The following SMG1 variants were observed in gnomAD, a reference collection of about 807,000 sequenced individuals.
SMG1 encodes the protein SMG1 nonsense mediated mRNA decay associated PI3K related kinase.
A neutral mutation model predicts 419.9 loss-of-function variants in SMG1; 22 were observed. The ratio of observed to expected loss-of-function variants is 0.05; its 90% CI spans 0.04 to 0.07. SMG1 has a LOEUF of 0.07. SMG1 is among the 10% of genes least tolerant of loss of function. SMG1 has a pLI of 1.00. For missense variants in SMG1, 3,185 were observed against 4,342.0 expected (o/e 0.73, Z 7.49); for synonymous variants, 1,538 against 1,553.5 (o/e 0.99, Z 0.23).
intron 1 of SMG1, among the ~76,000 whole-genome samples, chr16:18,923,610 G>C (rs1369330719): frequency 6.6e-6 from 1 of 151,728 alleles, no homozygotes; most frequent in African/African-American, 2.4e-5. Flanking sequence ...ACTCCAGCCT[G>C]GGAGACAGAG....
intron 23 of SMG1, chr16:18,866,031 C>G (rs1169629993): frequency 6.5e-6 from 1 of 154,436 alleles, no homozygotes; most frequent in African/African-American, 2.4e-5. Context: ...CCTATGTACG[C>G]TGCTGTTTTG....
Position 18,837,959 on chromosome 16 carries a change from T to C in SMG1, c.7413+55A>G, listed in dbSNP as rs2033683770. On this transcript the variant is annotated intron_variant, in intron 45 of 62. Coordinates refer to ENST00000446231, the MANE Select transcript of SMG1 (RefSeq NM_015092.5). Reference sequence around the variant, plus strand: ...ATTTGCCTCAACATTTTGATGAGCATGTTTACTCTATTAATAAAAAGAAGA... The same window carrying C: ...ATTTGCCTCAACATTTTGATGAGCACGTTTACTCTATTAATAAAAAGAAGA... 2.6e-6 allele frequency: 4 copies of C among 1,557,778 alleles called. No individual in the cohort carries two copies. In the African/African-American group the frequency reaches 4.1e-5, roughly 16 times the overall value.
chr16:18,868,982 G>T, intron 20 of SMG1, 122 bp downstream of exon 20: 1 of 863,682 alleles, frequency 1.2e-6, no homozygotes, highest in Non-Finnish European at 1.8e-6. Flanking sequence ...AAACATACCT[G>T]AAAATTATTG....
rs752449394 is a variant in SMG1 at position 18,817,481 on chromosome 16, A to G, written c.9895-11T>C. 2.6e-6 allele frequency: 4 copies of G among 1,557,204 alleles called. No individual in the cohort carries two copies. In the South Asian group the frequency reaches 4.7e-5, roughly 18 times the overall value. On this transcript the variant is annotated splice_polypyrimidine_tract_variant and intron_variant, in intron 56 of 62. Transcript: ENST00000446231. ...GCAGAGAAATGTGACCTGTAAAGAC[A>G]GAAATGGAACCACAAGAGGAGATGG...
intron 1 of SMG1, among the ~76,000 whole-genome samples, chr16:18,920,218 C>T (rs1440756615): frequency 3.3e-5 from 5 of 151,872 alleles, no homozygotes; most frequent in Non-Finnish European, 5.9e-5. Context: ...CCCGTCTCTA[C>T]TAAATATAAA....
At chr16:18,831,136 C>T (rs1192577670) in intron 51 of SMG1, among the ~76,000 whole-genome samples, 1 of 152,116 alleles carries the variant, frequency 6.6e-6, no homozygotes, top group African/African-American at 2.4e-5. Flanking sequence ...GAAATTCACC[C>T]CTCACATTAC....
chr16:18,917,818 C>A (rs1446923284), intron 1 of SMG1, among the ~76,000 whole-genome samples: 1 of 151,352 alleles, frequency 6.6e-6, no homozygotes, highest in African/African-American at 2.4e-5. Flanking sequence ...CTCAGGAGAT[C>A]CACCCACTTC....
At chr16:18,850,739 G>A (rs900982055) in intron 33 of SMG1, among the ~76,000 whole-genome samples, 2 of 152,014 alleles carry the variant, frequency 1.3e-5, no homozygotes, top group African/African-American at 4.8e-5. Context: ...TTACAATACA[G>A]TATTCTACCT....
At chr16:18,827,715 A>G (rs1439317267) in intron 55 of SMG1, among the ~76,000 whole-genome samples, 1 of 143,638 alleles carries the variant, frequency 7.0e-6, no homozygotes, top group East Asian at 2.0e-4. Flanking sequence ...TTATATATAT[A>G]TTTGGTATAA....
intron 3 of SMG1, among the ~76,000 whole-genome samples, chr16:18,893,685 A>C (rs2036985390): frequency 6.6e-6 from 1 of 152,138 alleles, no homozygotes; most frequent in Non-Finnish European, 1.5e-5. Flanking sequence ...TACCATAATT[A>C]GCCAATACAT....
rs373020840 is a variant in SMG1, at chr16:18,863,821, G to C, written c.3524C>G (p.Pro1175Arg). Residue 1175 changes from proline to arginine, a missense_variant, in exon 25 of 63, where the codon CCG becomes CGG. Pro to Arg is a moderately radical substitution (Grantham distance 103). This residue lies in a region of SMG1 where 121 missense variants were observed against 125.4 expected (regional missense o/e 0.96). Coordinates refer to ENST00000446231, the MANE Select transcript of SMG1 (RefSeq NM_015092.5). ...TATAACCTCAGGGGAAGAGTCAGTC[G>C]GTTTGGACAGCACAGTTTTTCTGGA... is the stretch of plus-strand genomic sequence containing the variant. ...GESRKTVLSK[P>R]TDSSPEVINY... 1 of 1,577,594 alleles carries C rather than the reference G, an allele frequency of 6.3e-7. No individual in the cohort carries two copies. Among genetic ancestry groups the C allele is most frequent in the Non-Finnish European group, 8.7e-7 (1 of 1,151,796 alleles).
At chr16:18,856,000 G>A (rs2034878798) in intron 29 of SMG1, among the ~76,000 whole-genome samples, 1 of 151,824 alleles carries the variant, frequency 6.6e-6, no homozygotes. Context: ...TAGGTGAACT[G>A]AGTCAACTAA....
At chr16:18,903,461 T>C (rs1443627263) in intron 1 of SMG1, among the ~76,000 whole-genome samples, 1 of 152,182 alleles carries the variant, frequency 6.6e-6, no homozygotes, top group African/African-American at 2.4e-5. Context: ...TCTGTAAAAC[T>C]TTCTGCACCT....
rs55869378 is a variant in SMG1, at chr16:18,835,020, A to G, written c.8202T>C (p.Thr2734=). The part of the protein sequence containing the change: ...QVERLKQEAV[T]VPVCEDQLKE... ...TCAACTGATCTTCACAAACTGGCACAGTGACAGCTTCCTGTTTCAAGCGTT... is the reference window on the plus strand; with the variant it reads ...TCAACTGATCTTCACAAACTGGCACGGTGACAGCTTCCTGTTTCAAGCGTT... Residue 2734 remains threonine, a synonymous_variant, in exon 49 of 63, where the codon ACT becomes ACC. Coordinates refer to ENST00000446231, the MANE Select transcript of SMG1 (RefSeq NM_015092.5). The G allele has an allele frequency of 3.7e-6, 6 of 1,614,054 alleles. No homozygotes were observed. Among genetic ancestry groups the G allele is most frequent in the East Asian group, 4.5e-5 (2 of 44,882 alleles).
chr16:18,864,432 A>G (rs2035388291), intron 23 of SMG1, among the ~76,000 whole-genome samples: 1 of 151,968 alleles, frequency 6.6e-6, no homozygotes, highest in South Asian at 2.1e-4. Flanking sequence ...TCTTGACCTC[A>G]GGTGATCCAC....
chr16:18,861,992 G>C (rs1399195521), intron 25 of SMG1, among the ~76,000 whole-genome samples: 2 of 151,968 alleles, frequency 1.3e-5, no homozygotes, highest in African/African-American at 4.8e-5. Context: ...TTGGCCAAAA[G>C]AACATAATCT....
intron 3 of SMG1, among the ~76,000 whole-genome samples, chr16:18,894,374 T>C (rs2037021874): frequency 6.6e-6 from 1 of 152,018 alleles, no homozygotes; most frequent in Non-Finnish European, 1.5e-5. Context: ...ATACCAAAAA[T>C]GTCATCAAGT....
intron 33 of SMG1, among the ~76,000 whole-genome samples, chr16:18,851,407 A>G (rs2641857): frequency 0.52 from 79,512 of 151,878 alleles, 20,952 homozygotes; most frequent in Middle Eastern, 0.59. Flanking sequence ...ACACACACAC[A>G]CGCGCACGCG....
intron 1 of SMG1, among the ~76,000 whole-genome samples, chr16:18,918,503 T>C (rs985988488): frequency 1.1e-4 from 16 of 152,186 alleles, no homozygotes; most frequent in African/African-American, 3.9e-4. Flanking sequence ...TCCATCACCC[T>C]ACCGCTCCAT....
Sources: allele counts gnomAD v4.1 joint callset (sites outside exome capture counted in the v4.1 genomes callset), GRCh38; gene constraint gnomAD v4.1.1; regional missense constraint gnomAD v4.1.1; transcripts MANE v1.5; gene names NCBI Gene and HGNC (gene_info 2026-07-23, HGNC 2026-07-21).